Variants in PTPRM observed in about 807,000 individuals in gnomAD.
PTPRM encodes the protein protein tyrosine phosphatase receptor type M.
Under a neutral mutation model 186.7 loss-of-function variants are expected in PTPRM, and 47 were observed. The observed-to-expected ratio is 0.25, with a 90% confidence interval of 0.20 to 0.32. The LOEUF (loss-of-function observed/expected upper bound fraction) is 0.32, where lower values mean the gene tolerates loss of function less well. Ranked by LOEUF, PTPRM falls within the 10% of genes least tolerant of loss-of-function variation. The pLI is 1.00. For synonymous variants in PTPRM, 668 were observed against 674.9 expected, an observed-to-expected ratio of 0.99 and a Z score of 0.16; for missense variants, 1,494 against 1,865.0, an observed-to-expected ratio of 0.80 and a Z score of 3.66.
At chr18:8,272,672 C>T (rs951651168) in intron 19 of PTPRM, among the ~76,000 whole-genome samples, 2 of 152,070 alleles carry the variant, frequency 1.3e-5, no homozygotes, top group African/African-American at 2.4e-5. Context: ...ACAATCAGAA[C>T]ATTCATTGCA....
chr18:7,854,830 T>A (rs1288531065), intron 2 of PTPRM, among the ~76,000 whole-genome samples: 1 of 151,924 alleles, frequency 6.6e-6, no homozygotes, highest in Non-Finnish European at 1.5e-5. Flanking sequence ...ATAAAGGGTA[T>A]GGAAGAGAAG....
At chr18:7,704,035 G>A (rs1417899651) in intron 1 of PTPRM, among the ~76,000 whole-genome samples, 1 of 152,106 alleles carries the variant, frequency 6.6e-6, no homozygotes, top group Non-Finnish European at 1.5e-5. Flanking sequence ...ACTTTATCGT[G>A]GTGAATAAGG....
At chr18:7,890,155 G>A (rs1036468502) in intron 3 of PTPRM, among the ~76,000 whole-genome samples, 1 of 152,178 alleles carries the variant, frequency 6.6e-6, no homozygotes, top group African/African-American at 2.4e-5. Flanking sequence ...GGCCAACTAC[G>A]AGGAGGAATA....
chr18:7,629,283 G>A (rs773129834), intron 1 of PTPRM, among the ~76,000 whole-genome samples: 19 of 152,206 alleles, frequency 1.2e-4, no homozygotes, highest in Admixed American at 2.0e-4. Context: ...TAAATGCCGA[G>A]ATTAGAGAAT....
chr18:8,009,105 G>A (rs2084363880), intron 7 of PTPRM, among the ~76,000 whole-genome samples: 1 of 152,124 alleles, frequency 6.6e-6, no homozygotes, highest in Admixed American at 6.5e-5. Context: ...TAAGCGAGGA[G>A]GAGAGAGCAA....
intron 8 of PTPRM, among the ~76,000 whole-genome samples, chr18:8,072,083 T>C (rs2148455059): frequency 6.6e-6 from 1 of 152,308 alleles, no homozygotes; most frequent in East Asian, 1.9e-4. Flanking sequence ...TGTAAACTAC[T>C]TGACAAGAAG....
intron 1 of PTPRM, among the ~76,000 whole-genome samples, chr18:7,738,380 G>A (rs2040815933): frequency 6.6e-6 from 1 of 152,134 alleles, no homozygotes; most frequent in Admixed American, 6.5e-5. Flanking sequence ...GCCAGTTGGC[G>A]AGAGGTCAGG....
At chr18:8,096,234 A>C (rs758830467) in intron 11 of PTPRM, among the ~76,000 whole-genome samples, 2 of 152,228 alleles carry the variant, frequency 1.3e-5, no homozygotes, top group Non-Finnish European at 2.9e-5. Context: ...ATTCTTGGCT[A>C]GGGCCGGGGA....
chr18:8,400,706 C>T (rs2148636451), intron 32 of PTPRM, among the ~76,000 whole-genome samples: 1 of 152,326 alleles, frequency 6.6e-6, no homozygotes, highest in Middle Eastern at 3.4e-3. Context: ...TACAGCCGAC[C>T]CTCCAGACTC....
At chr18:8,177,920 G>A (rs2093510507) in intron 14 of PTPRM, among the ~76,000 whole-genome samples, 1 of 152,254 alleles carries the variant, frequency 6.6e-6, no homozygotes, top group South Asian at 2.1e-4. Flanking sequence ...ACTGGGGAGG[G>A]GCTGTATTCA....
chr18:7,881,042 G>A (rs559347973), intron 2 of PTPRM, among the ~76,000 whole-genome samples: 5 of 152,214 alleles, frequency 3.3e-5, no homozygotes, highest in South Asian at 4.1e-4. Flanking sequence ...GGTTAGAAGC[G>A]TAGTGGTACA....
At position 7,606,914 on chromosome 18, in the gene PTPRM, T is replaced by G. The variant is rs1598508734; in HGVS notation, c.73+39023T>G. Among the ~76,000 whole-genome samples, 10 of 152,272 alleles carry G rather than the reference T, an allele frequency of 6.6e-5. No individual in the cohort carries two copies. In the South Asian group the frequency reaches 1.9e-3, roughly 28 times the overall value. On this transcript the variant is annotated intron_variant, in intron 1 of 32. Transcript: ENST00000580170. Reference sequence around the variant, plus strand: ...TTTTAAAAATCTTGGCCATGGATTTTCTACCTTGTTTTGGTGGAAACTGCT... The same window carrying G: ...TTTTAAAAATCTTGGCCATGGATTTGCTACCTTGTTTTGGTGGAAACTGCT...
intron 1 of PTPRM, among the ~76,000 whole-genome samples, chr18:7,732,338 C>G (rs1449778527): frequency 2.0e-5 from 3 of 152,122 alleles, no homozygotes; most frequent in African/African-American, 7.2e-5. Context: ...ACTTCTACTT[C>G]CATTTCATTT....
chr18:7,960,499 A>AC (rs2053607668), intron 7 of PTPRM, among the ~76,000 whole-genome samples: 1 of 150,732 alleles, frequency 6.6e-6, no homozygotes, highest in South Asian at 2.1e-4. Context: ...ACACACACAC[A>AC]CACACACACG....
intron 4 of PTPRM, among the ~76,000 whole-genome samples, chr18:7,913,678 G>A (rs1486226918): frequency 2.0e-5 from 3 of 152,106 alleles, no homozygotes; most frequent in Non-Finnish European, 4.4e-5. Context: ...TAGGCATGGT[G>A]TATAATCTTT....
At chr18:7,666,263 C>T (rs749936578) in intron 1 of PTPRM, among the ~76,000 whole-genome samples, 17 of 152,130 alleles carry the variant, frequency 1.1e-4, no homozygotes, top group Non-Finnish European at 1.6e-4. Context: ...TCTTTCTGTT[C>T]CCTTCCTTTG....
At chr18:8,317,044 G>C (rs984532038) in intron 21 of PTPRM, among the ~76,000 whole-genome samples, 1 of 152,196 alleles carries the variant, frequency 6.6e-6, no homozygotes, top group Non-Finnish European at 1.5e-5. Flanking sequence ...CAGGTCCACA[G>C]TTGTAAGGAC....
At chr18:7,812,486 G>T (rs1453825204) in intron 2 of PTPRM, among the ~76,000 whole-genome samples, 2 of 152,190 alleles carry the variant, frequency 1.3e-5, no homozygotes, top group African/African-American at 4.8e-5. Flanking sequence ...TAGGTCTTAA[G>T]CTCCATGGGT....
chr18:8,240,498 A>AGAGG (rs2094405539), intron 14 of PTPRM, among the ~76,000 whole-genome samples: 3 of 22,344 alleles, frequency 1.3e-4, no homozygotes, highest in African/African-American at 7.5e-4. Flanking sequence ...AGAGAGAGAG[A>AGAGG]GAGGAAGGAA....
Sources: gnomAD v4.1 joint callset for allele counts (sites outside exome capture counted in the v4.1 genomes callset) on GRCh38, gnomAD v4.1.1 for gene constraint, MANE v1.5 for transcripts, NCBI Gene and HGNC (gene_info 2026-07-23, HGNC 2026-07-21) for gene names.